The following CHRM3 variants were observed in gnomAD, a reference collection of about 807,000 sequenced individuals.
CHRM3 encodes the protein muscarinic acetylcholine receptor M3.
CHRM3 carries 11 observed loss-of-function variants against 41.8 expected under a neutral mutation model. That is an observed-to-expected ratio of 0.26 (90% CI 0.17 to 0.44). The LOEUF is 0.44. Ranked by LOEUF, CHRM3 falls within the 20% of genes least tolerant of loss-of-function variation. The probability of loss-of-function intolerance (pLI) is 1.00; values close to 1 mark genes in which losing one functional copy is unlikely to be tolerated. For synonymous variants in CHRM3, 297 were observed against 301.4 expected (o/e 0.99, Z 0.15); for missense variants, 571 against 745.4 (o/e 0.77, Z 2.72).
In CHRM3 at chr1:239,815,995, G is replaced by A. The variant is rs558231892; in HGVS notation, c.-146-11257G>A. Among the ~76,000 whole-genome samples, 7 of 152,190 alleles carry A rather than the reference G, an allele frequency of 4.6e-5. 1 individual carries two copies. Among genetic ancestry groups the A allele is most frequent in the African/African-American group, 1.7e-4 (7 of 41,532 alleles). ...TCAGATATCAATACATTTCAGTCTG[G>A]TTTGTCTTTTTTTTTTCTTTTGCTA... On this transcript the variant is annotated intron_variant, in intron 5 of 6. Coordinates refer to ENST00000676153, the MANE Select transcript of CHRM3 (RefSeq NM_001375978.1).
intron 5 of CHRM3, among the ~76,000 whole-genome samples, chr1:239,806,295 T>C (rs147767539): frequency 1.6e-3 from 249 of 152,196 alleles, no homozygotes; most frequent in African/African-American, 5.5e-3. Flanking sequence ...CACTTCCAGG[T>C]GTTAAGCAGA....
At chr1:239,843,606 C>A (rs1674016636) in intron 6 of CHRM3, among the ~76,000 whole-genome samples, 1 of 151,934 alleles carries the variant, frequency 6.6e-6, no homozygotes, top group Non-Finnish European at 1.5e-5. Context: ...AAAGTGTGTT[C>A]TATTCTAAAA....
intron 3 of CHRM3, among the ~76,000 whole-genome samples, chr1:239,564,663 A>G (rs934155809): frequency 6.6e-6 from 1 of 152,154 alleles, no homozygotes; most frequent in Non-Finnish European, 1.5e-5. Flanking sequence ...TTTAGGTAAC[A>G]AATTGTATTT....
intron 3 of CHRM3, among the ~76,000 whole-genome samples, chr1:239,606,420 C>T (rs1000460759): frequency 3.9e-5 from 6 of 152,058 alleles, no homozygotes; most frequent in South Asian, 2.1e-4. Context: ...GGACTACAGG[C>T]GCCCACCAGC....
At chr1:239,587,563 C>T (rs1413296911) in intron 3 of CHRM3, among the ~76,000 whole-genome samples, 1 of 152,164 alleles carries the variant, frequency 6.6e-6, no homozygotes, top group Non-Finnish European at 1.5e-5. Flanking sequence ...CAATTTTAAG[C>T]CAACTGTACA....
At chr1:239,537,986 T>A (rs1475138507) in intron 2 of CHRM3, among the ~76,000 whole-genome samples, 1 of 152,078 alleles carries the variant, frequency 6.6e-6, no homozygotes, top group Admixed American at 6.5e-5. Flanking sequence ...TGTAAATGAG[T>A]CATAAGCGCT....
intron 3 of CHRM3, among the ~76,000 whole-genome samples, chr1:239,607,746 G>A (rs1160540102): frequency 6.6e-6 from 1 of 151,958 alleles, no homozygotes; most frequent in Non-Finnish European, 1.5e-5. Context: ...TATTTCACCT[G>A]AAAAATATCC....
chr1:239,518,737 GA>G (rs532684920), intron 2 of CHRM3, among the ~76,000 whole-genome samples: 291 of 152,298 alleles, frequency 1.9e-3, no homozygotes, highest in African/African-American at 6.7e-3. Context: ...AGTTGCACGT[GA>G]AATCTCCTTG....
intron 1 of CHRM3, among the ~76,000 whole-genome samples, chr1:239,478,469 T>TA (rs891952372): frequency 6.6e-5 from 10 of 152,034 alleles, no homozygotes; most frequent in Non-Finnish European, 1.2e-4. Context: ...ATTATTAGAT[T>TA]AAAAAAAATT....
chr1:239,646,158 T>A (rs1453571249), intron 4 of CHRM3, among the ~76,000 whole-genome samples: 2 of 152,186 alleles, frequency 1.3e-5, no homozygotes, highest in African/African-American at 4.8e-5. Flanking sequence ...TAAAATTCAA[T>A]TTACACAGTT....
intron 3 of CHRM3, among the ~76,000 whole-genome samples, chr1:239,627,723 G>T (rs1352622195): frequency 7.3e-6 from 1 of 137,680 alleles, no homozygotes; most frequent in Non-Finnish European, 1.6e-5. Context: ...CTCAGCATTT[G>T]CTTGTCTATA....
At chr1:239,555,628 T>G (rs961801713) in intron 3 of CHRM3, among the ~76,000 whole-genome samples, 24 of 152,194 alleles carry the variant, frequency 1.6e-4, no homozygotes, top group African/African-American at 5.8e-4. Context: ...ACTACCCATT[T>G]CCTAGGAATT....
intron 5 of CHRM3, among the ~76,000 whole-genome samples, chr1:239,694,228 T>C (rs2148016923): frequency 6.6e-6 from 1 of 152,342 alleles, no homozygotes; most frequent in African/African-American, 2.4e-5. Context: ...AATTAGATGA[T>C]CGATACAAAC....
intron 5 of CHRM3, among the ~76,000 whole-genome samples, chr1:239,692,526 C>T (rs183388405): frequency 2.6e-4 from 40 of 152,174 alleles, no homozygotes; most frequent in Non-Finnish European, 2.4e-4. Context: ...TATACTCAAA[C>T]CTGATTAGAC....
At chr1:239,905,246 G>T (rs996721974) in intron 6 of CHRM3, among the ~76,000 whole-genome samples, 1 of 152,152 alleles carries the variant, frequency 6.6e-6, no homozygotes, top group African/African-American at 2.4e-5. Context: ...GGAAGGAGCT[G>T]GTGGAGAGGC....
chr1:239,598,534 C>T (rs1351618151), intron 3 of CHRM3, among the ~76,000 whole-genome samples: 8 of 152,024 alleles, frequency 5.3e-5, no homozygotes, highest in African/African-American at 1.9e-4. Context: ...AAGCCTGAAA[C>T]TTTAGAGGTT....
chr1:239,644,076 T>G (rs2148936860), intron 4 of CHRM3, among the ~76,000 whole-genome samples: 1 of 152,340 alleles, frequency 6.6e-6, no homozygotes, highest in African/African-American at 2.4e-5. Context: ...AATGTGATGT[T>G]GAAACTTCTT....
At chr1:239,458,838 G>T (rs573220603) in intron 1 of CHRM3, among the ~76,000 whole-genome samples, 2 of 152,196 alleles carry the variant, frequency 1.3e-5, no homozygotes, top group East Asian at 3.9e-4. Context: ...CTCTGAAATA[G>T]AACTCTGTAC....
intron 2 of CHRM3, among the ~76,000 whole-genome samples, chr1:239,498,145 A>G (rs1668002739): frequency 6.6e-6 from 1 of 152,134 alleles, no homozygotes; most frequent in Admixed American, 6.6e-5. Flanking sequence ...AGCATTACCA[A>G]TTTTAGGAAT....
Sources: gnomAD v4.1 joint callset for allele counts (sites outside exome capture counted in the v4.1 genomes callset) on GRCh38, gnomAD v4.1.1 for gene constraint, MANE v1.5 for transcripts, NCBI Gene and HGNC (gene_info 2026-07-23, HGNC 2026-07-21) for gene names.